The following BAZ2B variants were observed in gnomAD, a reference collection of about 807,000 sequenced individuals.
BAZ2B encodes the protein bromodomain adjacent to zinc finger domain 2B.
BAZ2B carries 91 observed loss-of-function variants against 246.0 expected under a neutral mutation model. That is an observed-to-expected ratio of 0.37 (90% CI 0.31 to 0.44). The LOEUF is 0.44. Ranked by LOEUF, BAZ2B falls within the 20% of genes least tolerant of loss-of-function variation. The probability of loss-of-function intolerance (pLI) is 1.00; values close to 1 mark genes in which losing one functional copy is unlikely to be tolerated. For missense variants in BAZ2B, 2,332 were observed against 2,533.7 expected (o/e 0.92, Z 1.71); for synonymous variants, 855 against 860.0 (o/e 0.99, Z 0.10).
chr2:159,354,570 C>T (rs1001771344), intron 27 of BAZ2B, among the ~76,000 whole-genome samples: 5 of 152,042 alleles, frequency 3.3e-5, no homozygotes, highest in Non-Finnish European at 4.4e-5. Context: ...AGGCTGGTCT[C>T]GAACTCATGA....
chr2:159,519,730 C>T (rs1389497752), intron 2 of BAZ2B, among the ~76,000 whole-genome samples: 2 of 123,364 alleles, frequency 1.6e-5, no homozygotes, highest in Non-Finnish European at 3.4e-5. Context: ...TGCAGTGCGG[C>T]GGTGCGATCT....
chr2:159,441,329 T>A (rs73967868), intron 6 of BAZ2B, among the ~76,000 whole-genome samples: 3,904 of 152,228 alleles, frequency 0.026, 142 homozygotes, highest in African/African-American at 0.088. Context: ...GAGGTACTGG[T>A]TCTGAAGCTT....
chr2:159,360,529 A>G (rs1366757535), intron 27 of BAZ2B, among the ~76,000 whole-genome samples: 1 of 151,894 alleles, frequency 6.6e-6, no homozygotes, highest in Non-Finnish European at 1.5e-5. Context: ...CATATTGCCC[A>G]AAGTAATTTA....
intron 31 of BAZ2B, among the ~76,000 whole-genome samples, chr2:159,344,918 C>G (rs951690277): frequency 2.6e-5 from 4 of 151,904 alleles, no homozygotes; most frequent in Non-Finnish European, 5.9e-5. Flanking sequence ...TTAAAGAATA[C>G]AAAATTACTG....
chr2:159,412,176 A>G (rs2066933542), intron 14 of BAZ2B, among the ~76,000 whole-genome samples, 159 bp downstream of exon 14: 1 of 152,248 alleles, frequency 6.6e-6, no homozygotes, highest in Non-Finnish European at 1.5e-5. Context: ...AAAGAACTCC[A>G]GTTACCAGTG....
chr2:159,360,313 GACAA>G (rs1434664516), intron 27 of BAZ2B, among the ~76,000 whole-genome samples: 3 of 152,066 alleles, frequency 2.0e-5, no homozygotes, highest in East Asian at 3.9e-4. Flanking sequence ...ACCAATAATA[GACAA>G]ACAGAGAGCC....
At chr2:159,712,303 C>G in the BAZ2B span, 3 of 152,350 alleles carry the variant, frequency 2.0e-5, no homozygotes, top group South Asian at 6.2e-4. Flanking sequence ...CAGCCAGCCG[C>G]TGCCGCTTAC....
At chr2:159,614,049 A>G (rs1325491308) in intron 1 of BAZ2B, among the ~76,000 whole-genome samples, 1 of 152,206 alleles carries the variant, frequency 6.6e-6, no homozygotes, top group Non-Finnish European at 1.5e-5. Flanking sequence ...GACAAAGAGA[A>G]TGCAAATTAA....
At chr2:159,674,723 A>G in the BAZ2B span, among the ~76,000 whole-genome samples, 2 of 152,144 alleles carry the variant, frequency 1.3e-5, no homozygotes, top group Non-Finnish European at 2.9e-5. Flanking sequence ...TCTTAAAAAA[A>G]AAAAAAAAAG....
intron 1 of BAZ2B, among the ~76,000 whole-genome samples, chr2:159,603,679 A>G (rs1345576791): frequency 6.6e-6 from 1 of 152,084 alleles, no homozygotes; most frequent in African/African-American, 2.4e-5. Flanking sequence ...TACAAAAAAA[A>G]AAACAAAACC....
intron 27 of BAZ2B, among the ~76,000 whole-genome samples, chr2:159,364,171 G>A (rs987143789): frequency 1.3e-5 from 2 of 152,142 alleles, no homozygotes; most frequent in Non-Finnish European, 2.9e-5. Flanking sequence ...GAAAAGAGAA[G>A]AGCCTCCAAT....
intron 1 of BAZ2B, among the ~76,000 whole-genome samples, chr2:159,604,877 G>A (rs1345672197): frequency 6.6e-6 from 1 of 152,112 alleles, no homozygotes; most frequent in Non-Finnish European, 1.5e-5. Context: ...GCATTTTTCA[G>A]CTTAAAAGTA....
chr2:159,427,886 T>C, intron 13 of BAZ2B, 55 bp downstream of exon 13: 4 of 1,373,758 alleles, frequency 2.9e-6, no homozygotes, highest in Non-Finnish European at 4.1e-6. Context: ...TTACTTCATT[T>C]AGGTTATGGT....
intron 2 of BAZ2B, among the ~76,000 whole-genome samples, chr2:159,489,746 A>G (rs11901769): frequency 6.6e-6 from 1 of 150,658 alleles, no homozygotes; most frequent in East Asian, 2.0e-4. Context: ...TACTAAATTT[A>G]AAAAAAAAAT....
intron 1 of BAZ2B, among the ~76,000 whole-genome samples, chr2:159,599,809 G>A (rs1170398787): frequency 1.3e-5 from 2 of 151,392 alleles, no homozygotes; most frequent in Non-Finnish European, 2.9e-5. Flanking sequence ...GGTAGCGGAA[G>A]CCTGTAGTCC....
the BAZ2B span, among the ~76,000 whole-genome samples, chr2:159,686,473 A>G: frequency 2.0e-5 from 3 of 152,202 alleles, no homozygotes; most frequent in African/African-American, 7.2e-5. Context: ...CAGCCTACAA[A>G]TGTCTCACCA....
the BAZ2B span, among the ~76,000 whole-genome samples, chr2:159,659,674 C>A: frequency 6.6e-6 from 1 of 152,118 alleles, no homozygotes; most frequent in African/African-American, 2.4e-5. Flanking sequence ...AGTTCCCTGG[C>A]GTAGGGGTAT....
At chr2:159,681,882 G>A in the BAZ2B span, among the ~76,000 whole-genome samples, 6 of 152,128 alleles carry the variant, frequency 3.9e-5, no homozygotes, top group South Asian at 2.1e-4. Context: ...CTGAGATCAC[G>A]CCACTGCACT....
chr2:159,342,487 T>C (rs1461636865), intron 31 of BAZ2B, among the ~76,000 whole-genome samples: 1 of 152,192 alleles, frequency 6.6e-6, no homozygotes, highest in Non-Finnish European at 1.5e-5. Flanking sequence ...GGTTTTGCCA[T>C]GTTCCCCAGG....
Sources: allele counts gnomAD v4.1 joint callset (sites outside exome capture counted in the v4.1 genomes callset), GRCh38; gene constraint gnomAD v4.1.1; transcripts MANE v1.5; gene names NCBI Gene and HGNC (gene_info 2026-07-23, HGNC 2026-07-21).